Variants in PLEKHG7 observed in about 807,000 individuals in gnomAD.
PLEKHG7 encodes pleckstrin homology and RhoGEF domain containing G7.
Under a neutral mutation model 85.2 loss-of-function variants are expected in PLEKHG7, and 77 were observed. The ratio of observed to expected loss-of-function variants is 0.90; its 90% CI spans 0.75 to 1.09. PLEKHG7 has a LOEUF of 1.09. Among genes scored for constraint, PLEKHG7 ranks in the 50% least tolerant of loss-of-function variants. The pLI is 0.00. For missense variants in PLEKHG7, 777 were observed against 804.3 expected (o/e 0.97, Z 0.41); for synonymous variants, 301 against 302.4 (o/e 1.00, Z 0.05).
At position 92,763,938 on chromosome 12, in the gene PLEKHG7, T is replaced by C. The variant is rs977122984; in HGVS notation, c.1717-103T>C. 1.3e-5 allele frequency: 12 copies of C among 959,890 alleles called. No homozygotes were observed. The African/African-American group carries it at 1.5e-4, about 12-fold the overall frequency. 59.5% of individuals were successfully genotyped at this position (959,890 alleles called of 1,614,324 possible). On this transcript the variant is annotated intron_variant, in intron 14 of 16. Transcript: ENST00000344636. ...TAAGATTTTAGGCAATAATAGTTTT[T>C]AGGCAATTGTTTCTCAGAATCTATT...
chr12:92,730,678 C>G (rs1389561591), intron 4 of PLEKHG7, among the ~76,000 whole-genome samples: 1 of 152,214 alleles, frequency 6.6e-6, no homozygotes, highest in East Asian at 1.9e-4. Flanking sequence ...CCTTGGCTTC[C>G]CAAGGTGCTG....
chr12:92,707,359 G>T, intron 2 of PLEKHG7: 1 of 1,429,056 alleles, frequency 7.0e-7, no homozygotes, highest in Non-Finnish European at 9.1e-7. Context: ...ACTTTCTTCT[G>T]TCCTTAGAGG....
intron 13 of PLEKHG7, among the ~76,000 whole-genome samples, chr12:92,757,144 C>A (rs1872857954): frequency 6.6e-6 from 1 of 152,220 alleles, no homozygotes; most frequent in African/African-American, 2.4e-5. Flanking sequence ...CCTGCTCAGC[C>A]TTTTCTGCCT....
chr12:92,731,279 A>G (rs1459245188), intron 4 of PLEKHG7, among the ~76,000 whole-genome samples: 1 of 152,194 alleles, frequency 6.6e-6, no homozygotes, highest in Non-Finnish European at 1.5e-5. Context: ...ATCTCTCTTT[A>G]ATAAAGATCA....
At chr12:92,733,678 C>T (rs545213723) in intron 5 of PLEKHG7, among the ~76,000 whole-genome samples, 3 of 152,268 alleles carry the variant, frequency 2.0e-5, no homozygotes, top group Admixed American at 6.5e-5. Context: ...GCATCTCCCC[C>T]CTAGCCCTCC....
intron 5 of PLEKHG7, among the ~76,000 whole-genome samples, 171 bp from the exon 6 acceptor site, chr12:92,736,311 A>G (rs1243409494): frequency 6.6e-6 from 1 of 152,056 alleles, no homozygotes; most frequent in Non-Finnish European, 1.5e-5. Context: ...GTGGTTCTGC[A>G]GCTCCTACTA....
intron 3 of PLEKHG7, chr12:92,721,407 C>A: frequency 2.5e-6 from 3 of 1,199,582 alleles, no homozygotes; most frequent in Non-Finnish European, 3.1e-6. Flanking sequence ...ACCTTCAGAT[C>A]TTCAGCAGAG....
In PLEKHG7 at chr12:92,718,914, A is replaced by G. The variant is rs1871562046; in HGVS notation, c.531-10079A>G. Among the ~76,000 whole-genome samples the G allele has an allele frequency of 2.0e-5, 3 of 151,990 alleles. No individual in the cohort carries two copies. In the South Asian group the frequency reaches 6.2e-4, roughly 32 times the overall value. ...CATGGCATTTCTCACACATGATGAG[A>G]CTCTTAAGAGGCATCTCTGTTCTGT... On this transcript the variant is annotated intron_variant, in intron 3 of 16. Coordinates refer to ENST00000344636, the MANE Select transcript of PLEKHG7 (RefSeq NM_001377329.1).
chr12:92,772,376 G>T lies in PLEKHG7; in HGVS notation c.*2181G>T, dbSNP rs1044152576. On this transcript the variant is annotated 3_prime_UTR_variant, in exon 17 of 17. Transcript: ENST00000344636. ...AGGAATTTAATTACTATTCGAAATT[G>T]AACAACATTAAAACACCACTGTCTA... The T allele has an allele frequency of 2.0e-5, 3 of 151,584 alleles. No individual in the cohort carries two copies. Among genetic ancestry groups the T allele is most frequent in the Non-Finnish European group, 4.4e-5 (3 of 67,756 alleles). The allele number at this position is 151,584 out of a possible 1,614,324, so 9.4% of individuals were successfully genotyped here.
intron 3 of PLEKHG7, among the ~76,000 whole-genome samples, chr12:92,725,737 A>G (rs917588166): frequency 6.6e-6 from 1 of 152,222 alleles, no homozygotes; most frequent in African/African-American, 2.4e-5. Flanking sequence ...ATAAATTCCT[A>G]AACAACTTGT....
At chr12:92,749,072 G>C (rs960653923) in intron 10 of PLEKHG7, among the ~76,000 whole-genome samples, 9 of 152,102 alleles carry the variant, frequency 5.9e-5, no homozygotes, top group African/African-American at 2.2e-4. Flanking sequence ...ACCCAATGTT[G>C]AATCTCCTAC....
intron 13 of PLEKHG7, 109 bp from the exon 14 acceptor site, chr12:92,761,634 GAAAGAAAGA>G (rs1440738728): frequency 1.1e-4 from 31 of 278,172 alleles, no homozygotes; most frequent in African/African-American, 3.0e-4. Context: ...AAGAAAGAAA[GAAAGAAAGA>G]AAGAAAGAAA....
At chr12:92,758,016 C>T (rs1213729030) in intron 13 of PLEKHG7, among the ~76,000 whole-genome samples, 7 of 152,194 alleles carry the variant, frequency 4.6e-5, no homozygotes, top group Non-Finnish European at 7.3e-5. Flanking sequence ...AACATGTGGT[C>T]AACCCACCCC....
intron 13 of PLEKHG7, among the ~76,000 whole-genome samples, chr12:92,760,423 A>G (rs1872953334): frequency 6.6e-6 from 1 of 152,182 alleles, no homozygotes; most frequent in Admixed American, 6.5e-5. Flanking sequence ...CTCTAAACTT[A>G]AAGAATGAGA....
At chr12:92,721,496 T>C (rs766923811) in intron 3 of PLEKHG7, 320 of 1,229,054 alleles carry the variant, frequency 2.6e-4, no homozygotes, top group Non-Finnish European at 3.0e-4. Context: ...CCTTCGGATC[T>C]GACCAGCTTG....
At chr12:92,745,905 A>G (rs1431840023) in intron 10 of PLEKHG7, among the ~76,000 whole-genome samples, 4 of 152,250 alleles carry the variant, frequency 2.6e-5, no homozygotes, top group Non-Finnish European at 5.9e-5. Context: ...AAAACTATAT[A>G]GTAAGAACCT....
Position 92,771,188 on chromosome 12 carries a change from C to T in PLEKHG7, c.*993C>T, listed in dbSNP as rs1873419805. The stretch of plus-strand genomic sequence containing the variant: ...CAGATTATTGCATCAAAGGGAAGTC[C>T]ACAAACTTCCATTTCAGAATCGTAC... On this transcript the variant is annotated 3_prime_UTR_variant, in exon 17 of 17. Coordinates refer to ENST00000344636, the MANE Select transcript of PLEKHG7 (RefSeq NM_001377329.1). 1.3e-5 allele frequency: 2 copies of T among 152,016 alleles called. 1 individual carries two copies. The highest frequency in any genetic ancestry group is 4.1e-4 in the South Asian group (2 of 4,822). 9.4% of individuals were successfully genotyped at this position (152,016 alleles called of 1,614,324 possible). A position where few individuals can be genotyped will look rare whatever the true frequency, so the allele number is the denominator to read the frequency against.
chr12:92,740,796 G>A, intron 7 of PLEKHG7, 57 bp from the exon 8 acceptor site: 1 of 1,176,540 alleles, frequency 8.5e-7, no homozygotes, highest in Non-Finnish European at 1.2e-6. Flanking sequence ...TCTTGCAAAA[G>A]GCATGTTGCA....
chr12:92,755,303 T>G (rs1228314995), intron 11 of PLEKHG7, among the ~76,000 whole-genome samples: 5 of 152,188 alleles, frequency 3.3e-5, no homozygotes, highest in African/African-American at 1.2e-4. Context: ...TTGCCCTCCA[T>G]GTTTTCAAAA....
Sources: gnomAD v4.1 joint callset for allele counts (sites outside exome capture counted in the v4.1 genomes callset) on GRCh38, gnomAD v4.1.1 for gene constraint, MANE v1.5 for transcripts, NCBI Gene and HGNC (gene_info 2026-07-23, HGNC 2026-07-21) for gene names.